Variants in SMIM18 observed in about 807,000 individuals in gnomAD.
SMIM18 encodes the protein small integral membrane protein 18.
In SMIM18, 4 loss-of-function variants were observed where a neutral mutation model predicts 5.9. The ratio of observed to expected loss-of-function variants is 0.68; its 90% CI spans 0.33 to 1.56. SMIM18 has a LOEUF of 1.56. Among genes scored for constraint, SMIM18 ranks in the 40% most tolerant of loss-of-function variants. The pLI is 0.06. For missense variants in SMIM18, 89 were observed against 109.7 expected (o/e 0.81, Z 0.84); for synonymous variants, 37 against 37.4 (o/e 0.99, Z 0.04).
intron 2 of SMIM18, 119 bp downstream of exon 2, chr8:30,644,691 G>A (rs1038240302): frequency 3.3e-5 from 5 of 151,866 alleles, no homozygotes; most frequent in African/African-American, 1.2e-4. Flanking sequence ...CTTTAATCAA[G>A]TTTTAAACCA....
chr8:30,645,619 A>G lies in SMIM18; in HGVS notation c.*22A>G, dbSNP rs906132415. 1.3e-6 allele frequency: 2 copies of G among 1,516,648 alleles called. No individual in the cohort carries two copies. Among genetic ancestry groups the G allele is most frequent in the Admixed American group, 2.1e-5 (1 of 47,728 alleles). The allele number at this position is 1,516,648 out of a possible 1,614,324, so 93.9% of individuals were successfully genotyped here. A position where few individuals can be genotyped will look rare whatever the true frequency, so the allele number is the denominator to read the frequency against. ...CTAACACTCTATAGAAGATGAACAA[A>G]ATCTCTGAAAGCAGCTCAACCTCTT... On this transcript the variant is annotated 3_prime_UTR_variant, in exon 3 of 3. Transcript: ENST00000517349.
At chr8:30,641,603 C>T (rs958973281) in intron 1 of SMIM18, among the ~76,000 whole-genome samples, 6 of 152,110 alleles carry the variant, frequency 3.9e-5, no homozygotes, top group Non-Finnish European at 5.9e-5. Flanking sequence ...TGGCCAGGCG[C>T]GGTGGCTCAT....
Position 30,645,279 on chromosome 8 carries a change from A to G in SMIM18, c.-29-2A>G. ...TAAATTCATTTTCTACCTTTTTTAT[A>G]GATTCAAAAGAGCAAGTGGAATCTC... is the stretch of plus-strand genomic sequence containing the variant. On this transcript the variant is annotated splice_acceptor_variant, in intron 2 of 2. Transcript: ENST00000517349. LOFTEE classifies it low-confidence loss of function (5UTR_SPLICE). The G allele has an allele frequency of 6.6e-7, 1 of 1,508,136 alleles. No homozygotes were observed. The highest frequency in any genetic ancestry group is 8.8e-7 in the Non-Finnish European group (1 of 1,136,692). 93.4% of individuals were successfully genotyped at this position (1,508,136 alleles called of 1,614,324 possible).
chr8:30,640,654 A>G (rs751535780), intron 1 of SMIM18, among the ~76,000 whole-genome samples: 60 of 152,186 alleles, frequency 3.9e-4, no homozygotes, highest in Admixed American at 5.9e-4. Flanking sequence ...ATAAACTTAC[A>G]TTTTAATTTC....
At position 30,645,271 on chromosome 8, in the gene SMIM18, T is replaced by C. The variant is rs1802024720; in HGVS notation, c.-29-10T>C. On this transcript the variant is annotated splice_polypyrimidine_tract_variant and intron_variant, in intron 2 of 2. Coordinates refer to ENST00000517349, the MANE Select transcript of SMIM18 (RefSeq NM_001206847.2). ...TTGCTACATAAATTCATTTTCTACC[T>C]TTTTTATAGATTCAAAAGAGCAAGT... 1 of 1,501,232 alleles carries C rather than the reference T, an allele frequency of 6.7e-7. No homozygotes were observed. The allele number at this position is 1,501,232 out of a possible 1,614,324, so 93.0% of individuals were successfully genotyped here. A position where few individuals can be genotyped will look rare whatever the true frequency, so the allele number is the denominator to read the frequency against.
chr8:30,645,333 A>G lies in SMIM18; in HGVS notation c.24A>G (p.Glu8=), dbSNP rs1334719144. 2.0e-6 allele frequency: 3 copies of G among 1,535,530 alleles called. No individual in the cohort carries two copies. The highest frequency in any genetic ancestry group is 2.6e-6 in the Non-Finnish European group (3 of 1,146,856). Residue 8 remains glutamate (E), a synonymous_variant, in exon 3 of 3, where the codon GAA becomes GAG. Transcript: ENST00000517349. MASSHWN[E]TTTSVYQYLG... ...GAATGGCTTCCAGCCACTGGAATGA[A>G]ACCACTACCTCTGTTTATCAGTACC...
chr8:30,642,735 T>C (rs990621325), intron 1 of SMIM18, among the ~76,000 whole-genome samples: 1 of 152,214 alleles, frequency 6.6e-6, no homozygotes, highest in African/African-American at 2.4e-5. Context: ...CCTAAATATC[T>C]TTCCTAAAAC....
rs1194485592 is a variant in SMIM18, at chr8:30,645,750, CTGTT to C, written c.*157_*160del. 2.8e-6 allele frequency: 2 copies of C among 703,940 alleles called. No homozygotes were observed. The highest frequency in any genetic ancestry group is 3.0e-5 in the Admixed American group (1 of 33,728). The allele number at this position is 703,940 out of a possible 1,614,324, so 43.6% of individuals were successfully genotyped here. ...AGGGGAAAAAAAAGTTAAACATGCA[CTGTT>C]TGTGTGTATAGCCATTTCATTAAAT... On this transcript the variant is annotated 3_prime_UTR_variant, in exon 3 of 3. Transcript: ENST00000517349.
chr8:30,641,139 A>C (rs2128726008), intron 1 of SMIM18, among the ~76,000 whole-genome samples: 1 of 152,302 alleles, frequency 6.6e-6, no homozygotes, highest in East Asian at 1.9e-4. Flanking sequence ...ATGACTCCAT[A>C]TTAGAGAGTT....
chr8:30,640,487 T>TA (rs1022842768), intron 1 of SMIM18, among the ~76,000 whole-genome samples: 7 of 151,356 alleles, frequency 4.6e-5, no homozygotes, highest in Non-Finnish European at 5.9e-5. Context: ...ACACATATGC[T>TA]AAAAAAAAAT....
chr8:30,641,862 C>T (rs539478513), intron 1 of SMIM18, among the ~76,000 whole-genome samples: 116 of 152,042 alleles, frequency 7.6e-4, no homozygotes, highest in Non-Finnish European at 1.5e-3. Context: ...GGTGACAGAA[C>T]GAGACTCTGT....
At chr8:30,642,010 A>G (rs752531681) in intron 1 of SMIM18, among the ~76,000 whole-genome samples, 2 of 152,256 alleles carry the variant, frequency 1.3e-5, no homozygotes, top group Non-Finnish European at 2.9e-5. Context: ...TAAAGTATAC[A>G]GTCTAACAAA....
intron 1 of SMIM18, among the ~76,000 whole-genome samples, chr8:30,640,526 C>T (rs1465161269): frequency 2.0e-5 from 3 of 152,150 alleles, no homozygotes; most frequent in Non-Finnish European, 4.4e-5. Flanking sequence ...GCTCCCCATT[C>T]CTGTAATCAA....
chr8:30,643,318 G>A (rs1801922227), intron 1 of SMIM18, among the ~76,000 whole-genome samples: 1 of 152,042 alleles, frequency 6.6e-6, no homozygotes, highest in Non-Finnish European at 1.5e-5. Flanking sequence ...GAAGCAAACA[G>A]GTACAGGTAG....
intron 2 of SMIM18, among the ~76,000 whole-genome samples, 166 bp downstream of exon 2, chr8:30,644,738 T>G (rs141988531): frequency 4.4e-4 from 61 of 139,888 alleles, no homozygotes; most frequent in Middle Eastern, 3.5e-3. Flanking sequence ...AGCAGTTAAT[T>G]TCGGTATATG....
At chr8:30,644,249 C>T (rs1279539311) in intron 1 of SMIM18, among the ~76,000 whole-genome samples, 3 of 152,170 alleles carry the variant, frequency 2.0e-5, no homozygotes, top group Non-Finnish European at 4.4e-5. Context: ...AATACTGAAA[C>T]TTGAACTCAC....
rs577898909 is a variant in SMIM18, at chr8:30,645,886, G to A, written c.*289G>A. 10 of 273,192 alleles carry A rather than the reference G, an allele frequency of 3.7e-5. No homozygotes were observed. The highest frequency in any genetic ancestry group is 1.5e-4 in the African/African-American group (7 of 45,662). The allele number at this position is 273,192 out of a possible 1,614,324, so 16.9% of individuals were successfully genotyped here. ...TTCAATATTAAGCAGCAAAAGATAA[G>A]CTGGAAAAGACAAGCAAGGCTAATG... On this transcript the variant is annotated 3_prime_UTR_variant, in exon 3 of 3. Coordinates refer to ENST00000517349, the MANE Select transcript of SMIM18 (RefSeq NM_001206847.2).
chr8:30,641,168 C>T (rs1801809656), intron 1 of SMIM18, among the ~76,000 whole-genome samples: 1 of 151,936 alleles, frequency 6.6e-6, no homozygotes, highest in South Asian at 2.1e-4. Context: ...TCAGATATGC[C>T]CAGAAGCTAA....
chr8:30,641,669 G>A (rs2128726338), intron 1 of SMIM18, among the ~76,000 whole-genome samples: 1 of 152,220 alleles, frequency 6.6e-6, no homozygotes, highest in South Asian at 2.1e-4. Context: ...CTGACGTCAG[G>A]GGTTCAAGAC....
Sources: allele counts gnomAD v4.1 joint callset (sites outside exome capture counted in the v4.1 genomes callset), GRCh38; gene constraint gnomAD v4.1.1; transcripts MANE v1.5; gene names NCBI Gene and HGNC (gene_info 2026-07-23, HGNC 2026-07-21).